The following ADAMTS17 variants were observed in gnomAD, a reference collection of about 807,000 sequenced individuals.
The protein encoded by ADAMTS17 is A disintegrin and metalloproteinase with thrombospondin motifs 17.
In ADAMTS17, 113 loss-of-function variants were observed where a neutral mutation model predicts 141.5. The observed-to-expected ratio is 0.80, with a 90% confidence interval of 0.69 to 0.93. ADAMTS17 has a LOEUF of 0.93. ADAMTS17 is among the 40% of genes least tolerant of loss of function. ADAMTS17 has a pLI of 0.00. For missense variants in ADAMTS17, 1,659 were observed against 1,517.9 expected (o/e 1.09, Z -1.54); for synonymous variants, 768 against 630.6 (o/e 1.22, Z -3.27).
In ADAMTS17 at chr15:100,148,906, A is replaced by C. The variant is rs560154899; in HGVS notation, c.1473+3706T>G. On this transcript the variant is annotated intron_variant, in intron 10 of 21. Coordinates refer to ENST00000268070, the MANE Select transcript of ADAMTS17 (RefSeq NM_139057.4). The stretch of plus-strand genomic sequence containing the variant: ...TGGGAGAAGAGTGGCAGGGAGGAGG[A>C]AACAGCCAGCATGAAGCAACTGTGT... Among the ~76,000 whole-genome samples the C allele has an allele frequency of 3.6e-3, 543 of 152,068 alleles. 5 individuals are homozygous for C. The highest frequency in any genetic ancestry group is 6.2e-3 in the Non-Finnish European group (422 of 67,994).
intron 3 of ADAMTS17, 100 bp from the exon 4 acceptor site, chr15:100,281,501 A>C: frequency 6.8e-7 from 1 of 1,463,016 alleles, no homozygotes; most frequent in East Asian, 2.5e-5. Flanking sequence ...GAGAGTGGTC[A>C]GTCTCGACAG....
chr15:100,048,595 T>C (rs1255599206), intron 18 of ADAMTS17, among the ~76,000 whole-genome samples: 7 of 147,470 alleles, frequency 4.7e-5, no homozygotes, highest in African/African-American at 1.8e-4. Context: ...GGCCATTTTT[T>C]TTTTTTTTTT....
chr15:100,060,934 AGAAACAT>A (rs543340958), intron 15 of ADAMTS17, among the ~76,000 whole-genome samples: 24 of 152,224 alleles, frequency 1.6e-4, no homozygotes, highest in Non-Finnish European at 2.8e-4. Context: ...AACTAACTTT[AGAAACAT>A]AATGAGTGTG....
intron 7 of ADAMTS17, among the ~76,000 whole-genome samples, chr15:100,217,416 G>A (rs923964967): frequency 5.3e-5 from 8 of 152,134 alleles, no homozygotes; most frequent in Admixed American, 3.3e-4. Flanking sequence ...TGGCCAACAC[G>A]GGAAAACCCT....
chr15:100,151,996 T>G (rs545243585), intron 10 of ADAMTS17, among the ~76,000 whole-genome samples: 2 of 152,228 alleles, frequency 1.3e-5, no homozygotes, highest in Non-Finnish European at 2.9e-5. Context: ...TGACTTGGTG[T>G]TGTCATCTGT....
Position 100,261,483 on chromosome 15 carries a change from T to A in ADAMTS17, c.1027A>T (p.Thr343Ser). 2 of 1,614,028 alleles carry A rather than the reference T, an allele frequency of 1.2e-6. No homozygotes were observed. The highest frequency in any genetic ancestry group is 1.7e-6 in the Non-Finnish European group (2 of 1,180,020). ...PPLVDAAVFV[T>S]RTDFCVHKDE... ...ACAGGCCAAATCCCATCTTACCTGG[T>A]CACAAACACGGCAGCATCCACCAGG... The change falls in exon 6 of 22, where the codon ACC becomes TCC. Residue 343 changes from threonine (T) to serine (S), a missense_variant. Coordinates refer to ENST00000268070, the MANE Select transcript of ADAMTS17 (RefSeq NM_139057.4).
At chr15:100,219,521 T>C (rs1170403290) in intron 7 of ADAMTS17, among the ~76,000 whole-genome samples, 1 of 152,182 alleles carries the variant, frequency 6.6e-6, no homozygotes, top group African/African-American at 2.4e-5. Context: ...CATCCCTATA[T>C]AATCAGAGAG....
chr15:100,297,634 AGGAAGAAAGCACTGTGAGTTCT>A (rs2044870958), intron 3 of ADAMTS17, among the ~76,000 whole-genome samples: 1 of 152,182 alleles, frequency 6.6e-6, no homozygotes, highest in Non-Finnish European at 1.5e-5. Context: ...AGGGCCAGGT[AGGAAGAAAGCACTGTGAGTTCT>A]GGCCTAATTG....
chr15:100,073,591 T>G (rs1180918323), intron 15 of ADAMTS17, among the ~76,000 whole-genome samples: 1 of 151,752 alleles, frequency 6.6e-6, no homozygotes, highest in Non-Finnish European at 1.5e-5. Flanking sequence ...CCATAAAAAA[T>G]GATGAGTTCA....
In ADAMTS17 at chr15:99,973,593, C is replaced by T. The variant is rs924330482; in HGVS notation, c.*809G>A. 6.6e-6 allele frequency: 1 copy of T among 152,382 alleles called. No individual in the cohort carries two copies. Among genetic ancestry groups the T allele is most frequent in the Non-Finnish European group, 1.5e-5 (1 of 68,178 alleles). The allele number at this position is 152,382 out of a possible 1,614,324, so 9.4% of individuals were successfully genotyped here. On this transcript the variant is annotated 3_prime_UTR_variant, in exon 22 of 22. Transcript: ENST00000268070. ...CTTACCTTTGCCTTAGGAAGCAACC[C>T]CATCACCGCAATTACCGTTTCTTAT...
chr15:100,324,882 G>A (rs376274973), intron 3 of ADAMTS17, among the ~76,000 whole-genome samples: 2 of 152,192 alleles, frequency 1.3e-5, no homozygotes, highest in South Asian at 2.1e-4. Flanking sequence ...GCCCTAAGAG[G>A]TAGATGACAT....
rs570108518 is a variant in ADAMTS17 at position 100,023,998 on chromosome 15, T to C, written c.2591+24859A>G. Among the ~76,000 whole-genome samples, 7 of 152,376 alleles carry C rather than the reference T, an allele frequency of 4.6e-5. No individual in the cohort carries two copies. In the East Asian group the frequency reaches 1.2e-3, roughly 25 times the overall value. On this transcript the variant is annotated intron_variant, in intron 18 of 21. Transcript: ENST00000268070. ...TTTCTTCCTAAACATCTTCCTTTGA[T>C]GTTGATGTCATACCACAAATCTTTG...
intron 7 of ADAMTS17, among the ~76,000 whole-genome samples, chr15:100,246,679 C>T (rs573807199): frequency 1.5e-3 from 226 of 152,224 alleles, no homozygotes; most frequent in African/African-American, 5.3e-3. Flanking sequence ...TTGAAGGAGT[C>T]ATTTGCCCTC....
Position 100,195,797 on chromosome 15 carries a change from G to A in ADAMTS17, c.1181+3521C>T, listed in dbSNP as rs574792448. On this transcript the variant is annotated intron_variant, in intron 8 of 21. Coordinates refer to ENST00000268070, the MANE Select transcript of ADAMTS17 (RefSeq NM_139057.4). ...CTTCCCTTAAACTGAAAGTACCTTG[G>A]TTTTTGACTCTACAAGTTCTCTTAT... is the stretch of plus-strand genomic sequence containing the variant. Among the ~76,000 whole-genome samples, 64 of 152,102 alleles carry A rather than the reference G, an allele frequency of 4.2e-4. 2 individuals carry two copies. In the South Asian group the frequency reaches 0.011, roughly 25 times the overall value.
intron 7 of ADAMTS17, among the ~76,000 whole-genome samples, chr15:100,226,103 G>T (rs1426091547): frequency 6.7e-6 from 1 of 148,848 alleles, no homozygotes; most frequent in Non-Finnish European, 1.5e-5. Flanking sequence ...AGCAGTCACG[G>T]TCTCTGTGCC....
intron 7 of ADAMTS17, among the ~76,000 whole-genome samples, chr15:100,246,346 CCT>C (rs1239422955): frequency 6.6e-6 from 1 of 152,106 alleles, no homozygotes; most frequent in Non-Finnish European, 1.5e-5. Context: ...TGAAAATGAA[CCT>C]TGCCAAAAAT....
intron 8 of ADAMTS17, among the ~76,000 whole-genome samples, chr15:100,165,528 A>G (rs1409841847): frequency 6.6e-6 from 1 of 152,228 alleles, no homozygotes; most frequent in East Asian, 1.9e-4. Flanking sequence ...CTCACTGCTT[A>G]GAGCATCCAA....
At chr15:100,092,145 G>C (rs997416271) in intron 15 of ADAMTS17, among the ~76,000 whole-genome samples, 1 of 152,228 alleles carries the variant, frequency 6.6e-6, no homozygotes, top group Non-Finnish European at 1.5e-5. Flanking sequence ...AGCACACGGT[G>C]TGCTTGAGGG....
At chr15:100,203,256 A>G (rs957063625) in intron 7 of ADAMTS17, among the ~76,000 whole-genome samples, 1 of 152,212 alleles carries the variant, frequency 6.6e-6, no homozygotes, top group African/African-American at 2.4e-5. Flanking sequence ...TCTTGAAAAA[A>G]TCTGAAACAC....
Sources: allele counts gnomAD v4.1 joint callset (sites outside exome capture counted in the v4.1 genomes callset), GRCh38; gene constraint gnomAD v4.1.1; transcripts MANE v1.5; gene names NCBI Gene and HGNC (gene_info 2026-07-23, HGNC 2026-07-21).